Variants in SLC9A9 observed in about 807,000 individuals in gnomAD.
SLC9A9 encodes solute carrier family 9 member A9, also known as sodium/hydrogen exchanger 9.
A neutral mutation model predicts 77.8 loss-of-function variants in SLC9A9; 62 were observed. That is an observed-to-expected ratio of 0.80 (90% CI 0.65 to 0.98). The LOEUF (loss-of-function observed/expected upper bound fraction) is 0.98. Among genes scored for constraint, SLC9A9 ranks in the 50% least tolerant of loss-of-function variants. The probability of loss-of-function intolerance (pLI) is 0.00; values close to 1 mark genes in which losing one functional copy is unlikely to be tolerated. For synonymous variants in SLC9A9, 320 were observed against 283.5 expected (o/e 1.13, Z -1.29); for missense variants, 775 against 774.9 (o/e 1.00, Z 0.00).
intron 14 of SLC9A9, among the ~76,000 whole-genome samples, chr3:143,270,744 G>C (rs557057147): frequency 1.3e-5 from 2 of 152,272 alleles, no homozygotes; most frequent in East Asian, 3.9e-4. Context: ...CTGCTGAGAG[G>C]CTCAGCATAC....
intron 12 of SLC9A9, among the ~76,000 whole-genome samples, chr3:143,418,484 T>C (rs73144777): frequency 0.093 from 14,092 of 151,990 alleles, 757 homozygotes; most frequent in East Asian, 0.16. Context: ...TACTTCTTGA[T>C]TGTAACAGGA....
intron 12 of SLC9A9, among the ~76,000 whole-genome samples, chr3:143,413,063 C>T (rs1485026556): frequency 1.3e-5 from 2 of 152,182 alleles, no homozygotes; most frequent in East Asian, 3.8e-4. Flanking sequence ...ACAGGAGGAA[C>T]TTCTAATTAT....
At chr3:143,485,812 G>A (rs191399915) in intron 11 of SLC9A9, among the ~76,000 whole-genome samples, 35 of 151,812 alleles carry the variant, frequency 2.3e-4, no homozygotes, top group East Asian at 1.7e-3. Context: ...ACTTTTAAGC[G>A]GACTTCAAAA....
At chr3:143,318,264 AG>A (rs1197743672) in intron 14 of SLC9A9, among the ~76,000 whole-genome samples, 2 of 152,252 alleles carry the variant, frequency 1.3e-5, no homozygotes, top group Admixed American at 1.3e-4. Flanking sequence ...TAGAATATTT[AG>A]ACAGGAAAAT....
intron 8 of SLC9A9, among the ~76,000 whole-genome samples, chr3:143,570,983 T>C (rs1368625118): frequency 6.6e-6 from 1 of 152,250 alleles, no homozygotes; most frequent in African/African-American, 2.4e-5. Flanking sequence ...AGATGTGCTT[T>C]GTTTAAAGTA....
At chr3:143,406,670 A>G (rs114085658) in intron 12 of SLC9A9, among the ~76,000 whole-genome samples, 2,053 of 152,266 alleles carry the variant, frequency 0.013, 52 homozygotes, top group African/African-American at 0.047. Flanking sequence ...ATTATTCCCA[A>G]TGATGCTAAA....
intron 14 of SLC9A9, among the ~76,000 whole-genome samples, chr3:143,278,725 C>A (rs1938126001): frequency 6.6e-6 from 1 of 152,154 alleles, no homozygotes; most frequent in South Asian, 2.1e-4. Flanking sequence ...TATAAGTGAA[C>A]CTATTTGCAA....
chr3:143,847,029 A>G (rs2009845364), intron 1 of SLC9A9, among the ~76,000 whole-genome samples: 1 of 152,286 alleles, frequency 6.6e-6, no homozygotes, highest in African/African-American at 2.4e-5. Context: ...TAGCTCAAGT[A>G]TCTCACAGTG....
chr3:143,625,449 G>A (rs569193489), intron 6 of SLC9A9, among the ~76,000 whole-genome samples: 1 of 152,266 alleles, frequency 6.6e-6, no homozygotes, highest in South Asian at 2.1e-4. Flanking sequence ...AGAGCCCTCA[G>A]AAATAATGCC....
intron 13 of SLC9A9, among the ~76,000 whole-genome samples, chr3:143,376,875 C>G (rs1279126710): frequency 6.6e-6 from 1 of 152,276 alleles, no homozygotes; most frequent in African/African-American, 2.4e-5. Flanking sequence ...AAGCTCTCAC[C>G]TGGGTCACAT....
intron 3 of SLC9A9, among the ~76,000 whole-genome samples, chr3:143,795,422 G>A (rs912907141): frequency 6.6e-6 from 1 of 152,102 alleles, no homozygotes; most frequent in African/African-American, 2.4e-5. Flanking sequence ...GGAAGACACA[G>A]TTTTCATGAA....
At chr3:143,831,926 T>C (rs1559818868) in intron 2 of SLC9A9, 93 bp downstream of exon 2, 2 of 1,117,802 alleles carry the variant, frequency 1.8e-6, no homozygotes, top group Non-Finnish European at 2.6e-6. Flanking sequence ...TATATGTGTG[T>C]GTGAATGCAT....
chr3:143,734,390 A>G (rs1934886798), intron 4 of SLC9A9, among the ~76,000 whole-genome samples: 1 of 152,110 alleles, frequency 6.6e-6, no homozygotes, highest in Admixed American at 6.6e-5. Context: ...GTATAGAAAA[A>G]AAAGAAATAC....
At chr3:143,514,865 C>A (rs1243660832) in intron 9 of SLC9A9, among the ~76,000 whole-genome samples, 1 of 151,958 alleles carries the variant, frequency 6.6e-6, no homozygotes, top group Non-Finnish European at 1.5e-5. Context: ...TTTTTGTTAT[C>A]ATTTGTGTGT....
chr3:143,582,713 C>T (rs1244624823), intron 6 of SLC9A9, among the ~76,000 whole-genome samples: 2 of 152,144 alleles, frequency 1.3e-5, no homozygotes, highest in African/African-American at 4.8e-5. Flanking sequence ...GGAAGGAGTG[C>T]CCTCAGCTGT....
At chr3:143,651,911 A>T (rs1326917181) in intron 6 of SLC9A9, among the ~76,000 whole-genome samples, 3 of 152,246 alleles carry the variant, frequency 2.0e-5, no homozygotes, top group Non-Finnish European at 4.4e-5. Context: ...TATTATCTGG[A>T]AAGTGACTTA....
intron 14 of SLC9A9, among the ~76,000 whole-genome samples, chr3:143,295,992 G>A (rs1442566169): frequency 6.6e-6 from 1 of 152,094 alleles, no homozygotes; most frequent in Admixed American, 6.5e-5. Flanking sequence ...CCTGTTTAAA[G>A]TGCCTGCAAT....
At chr3:143,309,826 G>C (rs1266055843) in intron 14 of SLC9A9, among the ~76,000 whole-genome samples, 1 of 152,096 alleles carries the variant, frequency 6.6e-6, no homozygotes, top group African/African-American at 2.4e-5. Flanking sequence ...TATGTGCCTG[G>C]TGGTTGGAAA....
intron 14 of SLC9A9, among the ~76,000 whole-genome samples, chr3:143,296,474 A>T (rs2108422691): frequency 6.6e-6 from 1 of 152,334 alleles, no homozygotes; most frequent in Non-Finnish European, 1.5e-5. Context: ...ACTGATGGAC[A>T]CAGCTCAATT....
Sources: allele counts gnomAD v4.1 joint callset (sites outside exome capture counted in the v4.1 genomes callset), GRCh38; gene constraint gnomAD v4.1.1; transcripts MANE v1.5; gene names NCBI Gene and HGNC (gene_info 2026-07-23, HGNC 2026-07-21).